The following STAG3 variants were observed in gnomAD, a reference collection of about 807,000 sequenced individuals.
STAG3 encodes the protein STAG3 cohesin complex component.
Under a neutral mutation model 160.7 loss-of-function variants are expected in STAG3, and 101 were observed. The ratio of observed to expected loss-of-function variants is 0.63; its 90% CI spans 0.54 to 0.74. The LOEUF is 0.74. Ranked by LOEUF, STAG3 falls within the 30% of genes least tolerant of loss-of-function variation. The pLI is 0.00. For synonymous variants in STAG3, 519 were observed against 585.0 expected (o/e 0.89, Z 1.63); for missense variants, 1,188 against 1,517.4 (o/e 0.78, Z 3.61).
Position 100,202,033 on chromosome 7 carries a change from C to T in STAG3, c.2386C>T (p.Gln796Ter), listed in dbSNP as rs1279984305. ...SCLSDVDTEI[Q>*]EQAFVLLSDL... ...CCTCTCAGATGTGGATACTGAGATC[C>T]AGGAGCAGGTGAGTACTGACTCAAG... Residue 796 changes from glutamine to a stop codon, truncating the protein, a stop_gained, in exon 23 of 34, where the codon CAG (glutamine) becomes TAG (stop). Transcript: ENST00000615138. LOFTEE classifies it high-confidence loss of function. 6.2e-7 allele frequency: 1 copy of T among 1,614,154 alleles called. No individual in the cohort carries two copies. The highest frequency in any genetic ancestry group is 2.2e-5 in the East Asian group (1 of 44,876).
intron 29 of STAG3, 120 bp downstream of exon 29, chr7:100,205,504 A>G: frequency 9.3e-7 from 1 of 1,070,396 alleles, no homozygotes. Flanking sequence ...ATTTCTTTCA[A>G]GGTTTATCTA....
downstream of STAG3, among the ~76,000 whole-genome samples, chr7:100,218,016 A>T (rs1483775018): frequency 6.7e-6 from 1 of 149,584 alleles, no homozygotes; most frequent in Non-Finnish European, 1.5e-5. Context: ...CCCCCAGGGA[A>T]AGGGAGTCTC....
chr7:100,217,836 A>G (rs1330855498), downstream of STAG3, among the ~76,000 whole-genome samples: 6 of 152,240 alleles, frequency 3.9e-5, no homozygotes, highest in South Asian at 6.2e-4. Context: ...TGCTACTGCC[A>G]TCTAGAAGGT....
At chr7:100,213,178 G>A in intron 32 of STAG3, 1 of 370,918 alleles carries the variant, frequency 2.7e-6, no homozygotes. Flanking sequence ...GGGCTTAGAA[G>A]GGCATTCATC....
At chr7:100,214,592 G>T (rs1802604242), downstream of STAG3, among the ~76,000 whole-genome samples, 2 of 152,156 alleles carry the variant, frequency 1.3e-5, no homozygotes, top group South Asian at 4.2e-4. Flanking sequence ...TTATCTAGTG[G>T]CCACAGCCTC....
chr7:100,195,117 C>T (rs1368723873), intron 8 of STAG3, among the ~76,000 whole-genome samples, 192 bp from the exon 9 acceptor site: 1 of 152,132 alleles, frequency 6.6e-6, no homozygotes, highest in Non-Finnish European at 1.5e-5. Context: ...TAAACACAAA[C>T]CTCTGAGGCA....
chr7:100,216,459 A>C (rs955264196), downstream of STAG3, among the ~76,000 whole-genome samples: 7 of 152,232 alleles, frequency 4.6e-5, no homozygotes, highest in Non-Finnish European at 1.0e-4. Flanking sequence ...GCAAAGTGAG[A>C]AACATTTTTT....
intron 32 of STAG3, chr7:100,213,315 G>T (rs1052164083): frequency 4.1e-6 from 4 of 985,276 alleles, no homozygotes; most frequent in Non-Finnish European, 3.6e-6. Flanking sequence ...GTCCATTACA[G>T]GCTGCGTATC....
chr7:100,202,461 C>T lies in STAG3; in HGVS notation c.2571C>T (p.Ser857=), dbSNP rs200352003. 37 of 1,613,368 alleles carry T rather than the reference C, an allele frequency of 2.3e-5. 2 individuals are homozygous for T. In the Admixed American group the frequency reaches 4.3e-4, roughly 19 times the overall value. ...IQPGDLGSGD[S]QEDHLQIERL... Reference sequence around the variant, plus strand: ...GCCTTCCATGTGAGCCAGGTGATTCCCAGGAGGATCATTTACAGATAGAGC... The same window carrying T: ...GCCTTCCATGTGAGCCAGGTGATTCTCAGGAGGATCATTTACAGATAGAGC... The change falls in exon 25 of 34, where the codon TCC becomes TCT. Residue 857 remains serine (S), a synonymous_variant. Transcript: ENST00000615138.
intron 4 of STAG3, among the ~76,000 whole-genome samples, chr7:100,185,372 C>G (rs1359799221): frequency 6.6e-6 from 1 of 152,008 alleles, no homozygotes; most frequent in Non-Finnish European, 1.5e-5. Flanking sequence ...TAAGGTGGAT[C>G]TCACTTGAGG....
rs771420693 is a variant in STAG3 at position 100,205,099 on chromosome 7, T to TC, written c.3052dup (p.Arg1018ProfsTer62). 132 of 1,613,964 alleles carry TC rather than the reference T, an allele frequency of 8.2e-5. No homozygotes were observed. Among genetic ancestry groups the TC allele is most frequent in the African/African-American group, 4.5e-4 (34 of 74,876 alleles). ...ATTCCTGGAGCTCCTTTCAGAGTTTTCCCCCCGACTCTTCCATCAGGACAA... is the reference window on the plus strand; with the variant it reads ...ATTCCTGGAGCTCCTTTCAGAGTTTTCCCCCCCGACTCTTCCATCAGGACAA... On this transcript the variant is annotated frameshift_variant, in exon 28 of 34. Transcript: ENST00000615138. LOFTEE classifies it high-confidence loss of function.
rs1345511041 is a variant in STAG3, at chr7:100,199,303, C to G, written c.1509C>G (p.Asp503Glu). The G allele has an allele frequency of 6.2e-7, 1 of 1,614,176 alleles. No individual in the cohort carries two copies. Among genetic ancestry groups the G allele is most frequent in the African/African-American group, 1.3e-5 (1 of 75,036 alleles). ...HAAYLVDSLW[D>E]CAGARLKDWE... The stretch of plus-strand genomic sequence containing the variant: ...CTTACTTAGTAGACAGTCTGTGGGA[C>G]TGTGCAGGGGCTCGGCTGAAGGACT... The change falls in exon 15 of 34, where the codon GAC becomes GAG. Residue 503 changes from aspartate (D) to glutamate (E), a missense_variant. Transcript: ENST00000615138.
intron 4 of STAG3, among the ~76,000 whole-genome samples, chr7:100,184,493 GA>G (rs1181445072): frequency 1.6e-5 from 2 of 121,568 alleles, no homozygotes; most frequent in Non-Finnish European, 3.3e-5. Flanking sequence ...TTTTGAGACG[GA>G]GTCTTGTTCT....
rs1326237136 is a variant in STAG3 at position 100,202,076 on chromosome 7, G to A, written c.2394+35G>A. 3.1e-6 allele frequency: 5 copies of A among 1,613,150 alleles called. No homozygotes were observed. In the African/African-American group the frequency reaches 4.0e-5, roughly 13 times the overall value. ...GACTCAAGTGGGAGCAACAAGGCGA[G>A]TATCCCTGCCCCCATTCCAAGGAGA... On this transcript the variant is annotated intron_variant, in intron 23 of 33. Transcript: ENST00000615138.
intron 8 of STAG3, among the ~76,000 whole-genome samples, chr7:100,192,678 C>T (rs1469875689): frequency 6.6e-6 from 1 of 152,176 alleles, no homozygotes; most frequent in African/African-American, 2.4e-5. Flanking sequence ...GCAGCCCCAA[C>T]CTCCTGTGCT....
chr7:100,179,700 T>G (rs1173088289), intron 1 of STAG3, among the ~76,000 whole-genome samples: 1 of 152,192 alleles, frequency 6.6e-6, no homozygotes, highest in East Asian at 1.9e-4. Flanking sequence ...GTTGTTGTGC[T>G]TAATCCCTTG....
chr7:100,210,112 C>A (rs1008101571), intron 29 of STAG3, among the ~76,000 whole-genome samples: 2 of 152,156 alleles, frequency 1.3e-5, no homozygotes, highest in African/African-American at 4.8e-5. Context: ...AGGGCCCAGC[C>A]CTCGGGCATC....
At chr7:100,197,630 T>C in intron 10 of STAG3, 148 bp from the exon 11 acceptor site, 1 of 732,446 alleles carries the variant, frequency 1.4e-6, no homozygotes, top group East Asian at 2.5e-5. Flanking sequence ...AGACAGCTGT[T>C]CATTGTTTCT....
intron 14 of STAG3, 142 bp downstream of exon 14, chr7:100,199,099 G>A (rs1800890301): frequency 2.2e-6 from 2 of 920,126 alleles, no homozygotes; most frequent in South Asian, 1.4e-5. Flanking sequence ...AGACCAGCCT[G>A]GGCAACACAG....
Sources: allele counts gnomAD v4.1 joint callset (sites outside exome capture counted in the v4.1 genomes callset), GRCh38; gene constraint gnomAD v4.1.1; transcripts MANE v1.5; gene names NCBI Gene and HGNC (gene_info 2026-07-23, HGNC 2026-07-21).